The following KCTD8 variants were observed in gnomAD, a reference collection of about 807,000 sequenced individuals.
KCTD8 encodes the protein potassium channel tetramerization domain containing 8, also known as BTB/POZ domain-containing protein KCTD8.
In KCTD8, 27 loss-of-function variants were observed where a neutral mutation model predicts 31.5. The ratio of observed to expected loss-of-function variants is 0.86; its 90% CI spans 0.63 to 1.18. The LOEUF (loss-of-function observed/expected upper bound fraction) is 1.18. Ranked by LOEUF, KCTD8 falls within the 50% of genes most tolerant of loss-of-function variation. KCTD8 has a pLI of 0.00. For missense variants in KCTD8, 658 were observed against 647.7 expected (o/e 1.02, Z -0.17); for synonymous variants, 290 against 280.0 (o/e 1.04, Z -0.36).
chr4:44,422,451 A>T (rs774333314), intron 1 of KCTD8, among the ~76,000 whole-genome samples: 5 of 152,140 alleles, frequency 3.3e-5, no homozygotes, highest in Non-Finnish European at 5.9e-5. Flanking sequence ...ATGTAGTTTA[A>T]GGAAGCCCTT....
chr4:44,179,781 TTTAAA>T (rs1335488811), intron 1 of KCTD8, among the ~76,000 whole-genome samples: 1 of 152,076 alleles, frequency 6.6e-6, no homozygotes, highest in Non-Finnish European at 1.5e-5. Flanking sequence ...TTAAGCATAC[TTTAAA>T]TTATTATTGA....
At chr4:44,179,615 T>A (rs74320735) in intron 1 of KCTD8, among the ~76,000 whole-genome samples, 4,734 of 151,450 alleles carry the variant, frequency 0.031, 136 homozygotes, top group Non-Finnish European at 0.044. Flanking sequence ...CCAAACAGAT[T>A]CGGAGGTTTA....
intron 1 of KCTD8, among the ~76,000 whole-genome samples, chr4:44,389,824 C>A (rs776428255): frequency 2.0e-5 from 3 of 151,642 alleles, no homozygotes; most frequent in Non-Finnish European, 4.4e-5. Flanking sequence ...TCCATTTATA[C>A]GTGGATTTTT....
chr4:44,242,438 C>A (rs1644919189), intron 1 of KCTD8, among the ~76,000 whole-genome samples: 1 of 151,940 alleles, frequency 6.6e-6, no homozygotes, highest in Admixed American at 6.6e-5. Context: ...ATTAGCTGGG[C>A]GCGGTGGCTG....
intron 1 of KCTD8, among the ~76,000 whole-genome samples, chr4:44,277,783 G>A (rs1050860126): frequency 6.6e-6 from 1 of 151,790 alleles, no homozygotes; most frequent in Non-Finnish European, 1.5e-5. Context: ...CATTTTTAAA[G>A]ATAAAGAATC....
intron 1 of KCTD8, among the ~76,000 whole-genome samples, chr4:44,436,774 T>G (rs987664275): frequency 2.0e-5 from 3 of 152,026 alleles, no homozygotes; most frequent in Non-Finnish European, 4.4e-5. Flanking sequence ...TGTTTAAATT[T>G]TCATACTAGA....
intron 1 of KCTD8, among the ~76,000 whole-genome samples, chr4:44,442,536 G>A (rs573506233): frequency 3.1e-4 from 47 of 152,156 alleles, no homozygotes; most frequent in African/African-American, 1.0e-3. Flanking sequence ...GCAGTGAGCC[G>A]AGTCACACCA....
chr4:44,321,700 C>A (rs541306823), intron 1 of KCTD8, among the ~76,000 whole-genome samples: 1 of 152,056 alleles, frequency 6.6e-6, no homozygotes, highest in Non-Finnish European at 1.5e-5. Flanking sequence ...AGAACTCATT[C>A]CCTTTCTCTA....
At chr4:44,401,123 G>C (rs1720643105) in intron 1 of KCTD8, among the ~76,000 whole-genome samples, 2 of 149,782 alleles carry the variant, frequency 1.3e-5, no homozygotes, top group South Asian at 4.2e-4. Context: ...AAAGTGCCAG[G>C]ATTACAGGCA....
chr4:44,211,179 T>C lies in KCTD8; in HGVS notation c.962-35929A>G, dbSNP rs142033687. Among the ~76,000 whole-genome samples the C allele has an allele frequency of 9.5e-3, 1,444 of 152,348 alleles. 21 individuals carry two copies. Among genetic ancestry groups the C allele is most frequent in the African/African-American group, 0.032 (1,348 of 41,578 alleles). On this transcript the variant is annotated intron_variant, in intron 1 of 1. Coordinates refer to ENST00000360029, the MANE Select transcript of KCTD8 (RefSeq NM_198353.3). The stretch of plus-strand genomic sequence containing the variant: ...TATACAAAGTATATGTAACATGTTA[T>C]ATAATGAAGCATGATATCACAAACA...
intron 1 of KCTD8, among the ~76,000 whole-genome samples, chr4:44,418,646 T>A (rs992002401): frequency 6.6e-5 from 10 of 152,312 alleles, no homozygotes; most frequent in Admixed American, 3.9e-4. Flanking sequence ...CTACAGTGAT[T>A]GAGGCATGGC....
chr4:44,415,655 G>A lies in KCTD8; in HGVS notation c.961+31908C>T, dbSNP rs536447343. Among the ~76,000 whole-genome samples the A allele has an allele frequency of 2.0e-5, 3 of 152,290 alleles. No individual in the cohort carries two copies. The South Asian group carries it at 6.2e-4, about 32-fold the overall frequency. ...AAAAGGACATCAAGGTACAATTTGG[G>A]CTGCCACTCTGGATAGTTCAAGCTG... On this transcript the variant is annotated intron_variant, in intron 1 of 1. Transcript: ENST00000360029.
At chr4:44,294,933 A>C (rs1717385037) in intron 1 of KCTD8, among the ~76,000 whole-genome samples, 1 of 152,112 alleles carries the variant, frequency 6.6e-6, no homozygotes, top group African/African-American at 2.4e-5. Flanking sequence ...TTCAGTTAAA[A>C]CACCAATGAA....
chr4:44,187,000 C>T (rs1713608864), intron 1 of KCTD8, among the ~76,000 whole-genome samples: 1 of 151,978 alleles, frequency 6.6e-6, no homozygotes, highest in Non-Finnish European at 1.5e-5. Flanking sequence ...GAGTGTAACT[C>T]AGCTTAAGGT....
chr4:44,448,625 G>C lies in KCTD8; in HGVS notation c.-102C>G, dbSNP rs1464882670. 3 of 1,222,970 alleles carry C rather than the reference G, an allele frequency of 2.5e-6. No individual in the cohort carries two copies. The highest frequency in any genetic ancestry group is 2.1e-6 in the Non-Finnish European group (2 of 962,584). 75.8% of individuals were successfully genotyped at this position (1,222,970 alleles called of 1,614,324 possible). A position where few individuals can be genotyped will look rare whatever the true frequency, so the allele number is the denominator to read the frequency against. ...CGTGCTCCTGGCGCTCTGCGCCCTC[G>C]GACTGGGCGGCGCGTTCCTCCGACC... On this transcript the variant is annotated 5_prime_UTR_variant, in exon 1 of 2. Transcript: ENST00000360029. The surrounding 1 kb of genome is among the most constrained non-coding windows in gnomAD (Gnocchi z 4.1).
chr4:44,247,422 T>C (rs759867594), intron 1 of KCTD8, among the ~76,000 whole-genome samples: 7 of 151,854 alleles, frequency 4.6e-5, no homozygotes, highest in Non-Finnish European at 8.8e-5. Flanking sequence ...AAAACCTCTT[T>C]ACGGGCTATT....
chr4:44,234,620 T>C (rs1470318484), intron 1 of KCTD8, among the ~76,000 whole-genome samples: 1 of 152,144 alleles, frequency 6.6e-6, no homozygotes, highest in Non-Finnish European at 1.5e-5. Context: ...GCATTGTACC[T>C]CTTTGCTTTG....
At chr4:44,271,160 T>G (rs1318115418) in intron 1 of KCTD8, among the ~76,000 whole-genome samples, 1 of 152,146 alleles carries the variant, frequency 6.6e-6, no homozygotes, top group East Asian at 1.9e-4. Flanking sequence ...ACACTTACAT[T>G]ATTGATTAAA....
At chr4:44,227,228 GA>G (rs1416113488) in intron 1 of KCTD8, among the ~76,000 whole-genome samples, 1 of 152,144 alleles carries the variant, frequency 6.6e-6, no homozygotes, top group African/African-American at 2.4e-5. Flanking sequence ...AAGGTATAAG[GA>G]AGGGATCCAG....
Sources: gnomAD v4.1 joint callset for allele counts (sites outside exome capture counted in the v4.1 genomes callset) on GRCh38, gnomAD v4.1.1 for gene constraint, Gnocchi (gnomAD v3.1) non-coding constraint, MANE v1.5 for transcripts, NCBI Gene and HGNC (gene_info 2026-07-23, HGNC 2026-07-21) for gene names.